Variants in ACTN4 observed in about 807,000 individuals in gnomAD.
The protein encoded by ACTN4 is actinin alpha 4.
A neutral mutation model predicts 114.2 loss-of-function variants in ACTN4; 18 were observed. The ratio of observed to expected loss-of-function variants is 0.16; its 90% CI spans 0.11 to 0.23. The LOEUF (loss-of-function observed/expected upper bound fraction) is 0.23. ACTN4 is among the 10% of genes least tolerant of loss of function. ACTN4 has a pLI of 1.00. For missense variants in ACTN4, 722 were observed against 1,262.9 expected (o/e 0.57, Z 6.49); for synonymous variants, 515 against 506.3 (o/e 1.02, Z -0.23).
intron 1 of ACTN4, among the ~76,000 whole-genome samples, chr19:38,680,338 G>T (rs570124031): frequency 5.3e-5 from 8 of 149,794 alleles, no homozygotes; most frequent in Non-Finnish European, 8.9e-5. Context: ...AAGCAAGCAC[G>T]TCTGGGTAAT....
intron 1 of ACTN4, among the ~76,000 whole-genome samples, chr19:38,672,128 G>T (rs1967147461): frequency 6.6e-6 from 1 of 152,040 alleles, no homozygotes; most frequent in Admixed American, 6.6e-5. Context: ...GCTCTCCCTG[G>T]GTGTGCCACC....
intron 1 of ACTN4, among the ~76,000 whole-genome samples, chr19:38,680,233 T>G (rs1402025425): frequency 6.1e-5 from 4 of 65,686 alleles, no homozygotes; most frequent in African/African-American, 1.6e-4. Flanking sequence ...TTTTTTTTTT[T>G]TTTTTTTTTT....
chr19:38,731,150 G>A lies in ACTN4; in HGVS notation c.*1718G>A, dbSNP rs530113729. The A allele has an allele frequency of 5.1e-5, 82 of 1,613,146 alleles. No homozygotes were observed. Among genetic ancestry groups the A allele is most frequent in the Admixed American group, 1.0e-4 (6 of 60,000 alleles). The stretch of plus-strand genomic sequence containing the variant: ...GGGCCACACAGGACACGAACCGCTC[G>A]AAGTCCACACGCAGACGGCTATCCC... On this transcript the variant is annotated 3_prime_UTR_variant, in exon 21 of 21. Transcript: ENST00000252699.
At chr19:38,654,589 G>A (rs1320830887) in intron 1 of ACTN4, among the ~76,000 whole-genome samples, 1 of 150,910 alleles carries the variant, frequency 6.6e-6, no homozygotes, top group Non-Finnish European at 1.5e-5. Flanking sequence ...AAAAAGAAAA[G>A]GAGTTAAATC....
At chr19:38,679,291 G>A (rs1447615394) in intron 1 of ACTN4, among the ~76,000 whole-genome samples, 4 of 152,144 alleles carry the variant, frequency 2.6e-5, no homozygotes, top group Non-Finnish European at 4.4e-5. Context: ...GGGCATCTGC[G>A]CATCACTTAC....
intron 1 of ACTN4, among the ~76,000 whole-genome samples, chr19:38,690,998 C>T (rs939792139): frequency 6.6e-6 from 1 of 152,208 alleles, no homozygotes; most frequent in East Asian, 1.9e-4. Flanking sequence ...AGGTACCAGT[C>T]CAGGCAGTGG....
rs1305761440 is a variant in ACTN4 at position 38,730,551 on chromosome 19, T to C, written c.*1119T>C. 2.1e-6 allele frequency: 1 copy of C among 474,416 alleles called. No homozygotes were observed. The highest frequency in any genetic ancestry group is 1.9e-5 in the African/African-American group (1 of 51,806). 29.4% of individuals were successfully genotyped at this position (474,416 alleles called of 1,614,324 possible). ...GAAGGATTCCTGCAGCATCATCTTT[T>C]TTTATTTCTCCTGTGTCTGTCCTCC... is the stretch of plus-strand genomic sequence containing the variant. On this transcript the variant is annotated 3_prime_UTR_variant, in exon 21 of 21. Coordinates refer to ENST00000252699, the MANE Select transcript of ACTN4 (RefSeq NM_004924.6).
rs191902266 is a variant in ACTN4 at position 38,665,356 on chromosome 19, T to C, written c.162+17449T>C. ...AAAGGGGCATCATCCTATCCTCAGT[T>C]TGAGGATTAGACGTGATAGTGCGCA... On this transcript the variant is annotated intron_variant, in intron 1 of 20. Coordinates refer to ENST00000252699, the MANE Select transcript of ACTN4 (RefSeq NM_004924.6). Among the ~76,000 whole-genome samples the C allele has an allele frequency of 7.2e-5, 11 of 152,304 alleles. No individual in the cohort carries two copies. The East Asian group carries it at 2.1e-3, about 29-fold the overall frequency.
intron 1 of ACTN4, among the ~76,000 whole-genome samples, chr19:38,666,379 T>G (rs950354770): frequency 3.3e-5 from 5 of 152,032 alleles, no homozygotes; most frequent in Non-Finnish European, 4.4e-5. Flanking sequence ...GGTGGGGCGG[T>G]GCAGCCTTGT....
In ACTN4 at chr19:38,724,616, C is replaced by T. The variant is rs371155860; in HGVS notation, c.2010+51C>T. The T allele has an allele frequency of 1.4e-5, 23 of 1,610,568 alleles. No homozygotes were observed. Among genetic ancestry groups the T allele is most frequent in the African/African-American group, 4.0e-5 (3 of 74,912 alleles). ...GCTGAGAAGGTTCCAAGAGAGCTCC[C>T]GTAGTGAGGGGGTCCCCGGCCAGCC... On this transcript the variant is annotated intron_variant, in intron 16 of 20. Coordinates refer to ENST00000252699, the MANE Select transcript of ACTN4 (RefSeq NM_004924.6). This position sits in a 1 kb window ranked among gnomAD's most constrained non-coding sequence, Gnocchi z 7.0.
intron 1 of ACTN4, among the ~76,000 whole-genome samples, chr19:38,660,828 T>G (rs1239409353): frequency 6.6e-6 from 1 of 152,142 alleles, no homozygotes; most frequent in African/African-American, 2.4e-5. Flanking sequence ...GGCTTTCAAG[T>G]TTATGCTGTT....
chr19:38,716,979 G>T, intron 9 of ACTN4, 107 bp from the exon 10 acceptor site: 1 of 1,264,654 alleles, frequency 7.9e-7, no homozygotes, highest in Non-Finnish European at 1.1e-6. Flanking sequence ...ACCCCCTAAG[G>T]TGGGGCCCTC....
In ACTN4 at chr19:38,724,375, C is replaced by T. The variant is rs560064550; in HGVS notation, c.1875+36C>T. 6.8e-6 allele frequency: 11 copies of T among 1,611,840 alleles called. No individual in the cohort carries two copies. The highest frequency in any genetic ancestry group is 1.7e-5 in the Admixed American group (1 of 59,892). ...GCCATCCGTAGGGGCTGGGGCAGGA[C>T]GGCGGGGCTGGGGGCCACCTCCCTG... On this transcript the variant is annotated intron_variant, in intron 15 of 20. Coordinates refer to ENST00000252699, the MANE Select transcript of ACTN4 (RefSeq NM_004924.6). This position sits in a 1 kb window ranked among gnomAD's most constrained non-coding sequence, Gnocchi z 7.0.
chr19:38,700,535 G>T, intron 1 of ACTN4, 65 bp from the exon 2 acceptor site: 2 of 1,361,134 alleles, frequency 1.5e-6, no homozygotes, highest in Admixed American at 1.7e-5. Flanking sequence ...GGCCCTGCAG[G>T]TGTGTGGAGA....
At position 38,724,660 on chromosome 19, in the gene ACTN4, G is replaced by T; in HGVS notation, c.2010+95G>T. On this transcript the variant is annotated intron_variant, in intron 16 of 20. Transcript: ENST00000252699. The surrounding 1 kb of genome is among the most constrained non-coding windows in gnomAD (Gnocchi z 7.0). ...GCCAGCCCAGGGCCTGCAGACTGAGGCGCCTGGCAGAGCAGGTCCCAATTC... is the reference window on the plus strand; with the variant it reads ...GCCAGCCCAGGGCCTGCAGACTGAGTCGCCTGGCAGAGCAGGTCCCAATTC... The T allele has an allele frequency of 4.4e-6, 7 of 1,588,440 alleles. No individual in the cohort carries two copies. Among genetic ancestry groups the T allele is most frequent in the Non-Finnish European group, 6.0e-6 (7 of 1,168,414 alleles).
intron 1 of ACTN4, among the ~76,000 whole-genome samples, chr19:38,658,344 A>G (rs1208406358): frequency 6.6e-6 from 1 of 152,206 alleles, no homozygotes. Flanking sequence ...ATATGCCTGT[A>G]TCTTTTGCCT....
chr19:38,701,057 T>C lies in ACTN4; in HGVS notation c.333T>C (p.Asn111=). The part of the protein sequence containing the change: ...RGKMRVHKIN[N]VNKALDFIAS... ...AGATGAGAGTGCACAAAATCAACAA[T>C]GTGAACAAAGCGCTGGACTTTATTG... is the stretch of plus-strand genomic sequence containing the variant. Residue 111 remains asparagine (N), a synonymous_variant, in exon 3 of 21, where the codon AAT becomes AAC. Coordinates refer to ENST00000252699, the MANE Select transcript of ACTN4 (RefSeq NM_004924.6). 6.2e-7 allele frequency: 1 copy of C among 1,614,088 alleles called. No individual in the cohort carries two copies.
intron 1 of ACTN4, among the ~76,000 whole-genome samples, chr19:38,673,992 G>C (rs1967295145): frequency 6.6e-6 from 1 of 151,348 alleles, no homozygotes; most frequent in African/African-American, 2.4e-5. Flanking sequence ...ATCTTGGCCA[G>C]GCTGGTCTTG....
chr19:38,664,760 T>C (rs1393199677), intron 1 of ACTN4, among the ~76,000 whole-genome samples: 2 of 152,172 alleles, frequency 1.3e-5, no homozygotes, highest in Non-Finnish European at 2.9e-5. Context: ...GGGGAGGCCC[T>C]GCCCAGCAGT....
Sources: gnomAD v4.1 joint callset for allele counts (sites outside exome capture counted in the v4.1 genomes callset) on GRCh38, gnomAD v4.1.1 for gene constraint, Gnocchi (gnomAD v3.1) non-coding constraint, MANE v1.5 for transcripts, NCBI Gene and HGNC (gene_info 2026-07-23, HGNC 2026-07-21) for gene names.